FUT9: variants seen among roughly 807,000 people sequenced by gnomAD.
FUT9 encodes 4-galactosyl-N-acetylglucosaminide 3-alpha-L-fucosyltransferase 9.
FUT9 carries 15 observed loss-of-function variants against 29.7 expected under a neutral mutation model. The observed-to-expected ratio is 0.51, with a 90% CI of 0.34 to 0.78. The LOEUF is 0.78. Ranked by LOEUF, FUT9 falls within the 30% of genes least tolerant of loss-of-function variation. The pLI, the probability that FUT9 is intolerant of heterozygous loss-of-function variation, is 0.01. For missense variants in FUT9, 319 were observed against 425.4 expected, an observed-to-expected ratio of 0.75 and a Z score of 2.20; for synonymous variants, 169 against 153.7, an observed-to-expected ratio of 1.10 and a Z score of -0.74.
intron 1 of FUT9, among the ~76,000 whole-genome samples, chr6:96,046,221 GCA>G (rs139036869): frequency 5.4e-4 from 80 of 148,110 alleles, no homozygotes; most frequent in African/African-American, 1.0e-3. Context: ...ACACAGATAT[GCA>G]CACACACACA....
chr6:96,149,684 C>T (rs1772641077), intron 2 of FUT9, among the ~76,000 whole-genome samples: 1 of 151,936 alleles, frequency 6.6e-6, no homozygotes, highest in African/African-American at 2.4e-5. Context: ...ATTTCTTTGC[C>T]TGAATTTTTA....
At chr6:96,071,002 A>C (rs1339456434) in intron 1 of FUT9, among the ~76,000 whole-genome samples, 2 of 152,222 alleles carry the variant, frequency 1.3e-5, no homozygotes, top group Non-Finnish European at 2.9e-5. Flanking sequence ...ACTGCATGAC[A>C]AAATAAATAT....
chr6:96,033,475 C>T (rs1770299038), intron 1 of FUT9, among the ~76,000 whole-genome samples: 1 of 151,550 alleles, frequency 6.6e-6, no homozygotes, highest in African/African-American at 2.4e-5. Context: ...AGGGAAATGA[C>T]TCCACATTCA....
intron 2 of FUT9, 72 bp from the exon 3 acceptor site, chr6:96,203,076 A>G (rs2127991524): frequency 6.4e-6 from 7 of 1,096,424 alleles, no homozygotes; most frequent in East Asian, 2.4e-5. Context: ...TTTTAAATAT[A>G]TCTCCAATAT....
intron 1 of FUT9, among the ~76,000 whole-genome samples, chr6:96,094,992 A>C (rs902382354): frequency 6.6e-6 from 1 of 151,846 alleles, no homozygotes; most frequent in Non-Finnish European, 1.5e-5. Flanking sequence ...TTTTGATAGC[A>C]CTCCATGTCC....
At chr6:96,180,893 TG>T (rs1036877786) in intron 2 of FUT9, among the ~76,000 whole-genome samples, 49 of 151,280 alleles carry the variant, frequency 3.2e-4, no homozygotes, top group African/African-American at 1.1e-3. Flanking sequence ...AAATTTTTCT[TG>T]ATGACTTAAG....
chr6:96,030,515 T>G lies in FUT9; in HGVS notation c.-98+14303T>G, dbSNP rs1770243658. ...AAATGTGGAGCAGTTGGAACACTGGTACATTGCTGGAAGGGATGCAAAATA... is the reference window on the plus strand; with the variant it reads ...AAATGTGGAGCAGTTGGAACACTGGGACATTGCTGGAAGGGATGCAAAATA... On this transcript the variant is annotated intron_variant, in intron 1 of 2. Transcript: ENST00000302103. Among the ~76,000 whole-genome samples, 3 of 151,598 alleles carry G rather than the reference T, an allele frequency of 2.0e-5. No individual in the cohort carries two copies. In the South Asian group the frequency reaches 6.2e-4, roughly 31 times the overall value.
chr6:96,190,115 C>T (rs1393390125), intron 2 of FUT9, among the ~76,000 whole-genome samples: 2 of 152,118 alleles, frequency 1.3e-5, no homozygotes, highest in African/African-American at 4.8e-5. Flanking sequence ...GTGACAAAAT[C>T]TCTCAGCATT....
At chr6:96,106,070 G>A (rs570689587) in intron 1 of FUT9, among the ~76,000 whole-genome samples, 1 of 151,774 alleles carries the variant, frequency 6.6e-6, no homozygotes, top group Admixed American at 6.6e-5. Context: ...TCATCCAGGG[G>A]TCAGGAAAGA....
chr6:96,072,660 T>C (rs1226474468), intron 1 of FUT9, among the ~76,000 whole-genome samples: 2 of 152,176 alleles, frequency 1.3e-5, no homozygotes, highest in African/African-American at 4.8e-5. Flanking sequence ...CTTATTCAGA[T>C]AGAAAAAGGC....
At chr6:96,087,661 G>C (rs574069310) in intron 1 of FUT9, among the ~76,000 whole-genome samples, 1 of 151,964 alleles carries the variant, frequency 6.6e-6, no homozygotes, top group African/African-American at 2.4e-5. Flanking sequence ...CACCACGTCC[G>C]GCCTTCCCCA....
chr6:96,085,542 T>C (rs530794826), intron 1 of FUT9, among the ~76,000 whole-genome samples: 2 of 152,320 alleles, frequency 1.3e-5, no homozygotes, highest in East Asian at 3.9e-4. Flanking sequence ...GACACAAACA[T>C]TCAAACTATG....
rs573580624 is a variant in FUT9, at chr6:96,162,483, T to C, written c.-8-40665T>C. On this transcript the variant is annotated intron_variant, in intron 2 of 2. Transcript: ENST00000302103. ...TACAGACTATGAATGCCAGCACTTATACTTCCCCATCTAACTGTAACCTTA... is the reference window on the plus strand; with the variant it reads ...TACAGACTATGAATGCCAGCACTTACACTTCCCCATCTAACTGTAACCTTA... Among the ~76,000 whole-genome samples the C allele has an allele frequency of 3.8e-4, 58 of 152,318 alleles. 3 individuals carry two copies. The South Asian group carries it at 0.011, about 30-fold the overall frequency.
At chr6:96,180,893 T>C (rs1773294053) in intron 2 of FUT9, among the ~76,000 whole-genome samples, 1 of 151,166 alleles carries the variant, frequency 6.6e-6, no homozygotes. Context: ...AAATTTTTCT[T>C]GATGACTTAA....
intron 2 of FUT9, among the ~76,000 whole-genome samples, chr6:96,137,608 A>G (rs571714850): frequency 6.6e-6 from 1 of 152,218 alleles, no homozygotes; most frequent in Admixed American, 6.5e-5. Context: ...GGTAAGTTGT[A>G]TTAACAGCCA....
chr6:96,161,071 A>G (rs1582276174), intron 2 of FUT9, among the ~76,000 whole-genome samples: 1 of 152,330 alleles, frequency 6.6e-6, no homozygotes, highest in East Asian at 1.9e-4. Flanking sequence ...ACACAAGAGT[A>G]GAAACAGTAA....
chr6:96,104,527 TTTTTG>T (rs1771642448), intron 1 of FUT9, among the ~76,000 whole-genome samples: 1 of 152,192 alleles, frequency 6.6e-6, no homozygotes, highest in African/African-American at 2.4e-5. Flanking sequence ...TAAATTATTT[TTTTTG>T]TTTTGTTTGT....
At chr6:96,155,747 A>G (rs1443081757) in intron 2 of FUT9, among the ~76,000 whole-genome samples, 1 of 152,146 alleles carries the variant, frequency 6.6e-6, no homozygotes, top group Non-Finnish European at 1.5e-5. Flanking sequence ...GAGAGCACAC[A>G]AAGGAATGAC....
intron 1 of FUT9, among the ~76,000 whole-genome samples, chr6:96,035,240 G>A (rs1295375537): frequency 2.6e-5 from 4 of 151,334 alleles, no homozygotes; most frequent in East Asian, 3.9e-4. Flanking sequence ...GAAGAGAGAA[G>A]GACAAAGTCA....
Sources: allele counts gnomAD v4.1 joint callset (sites outside exome capture counted in the v4.1 genomes callset), GRCh38; gene constraint gnomAD v4.1.1; transcripts MANE v1.5; gene names NCBI Gene and HGNC (gene_info 2026-07-23, HGNC 2026-07-21).